Variants in MYO3B observed in about 807,000 individuals in gnomAD.
The protein encoded by MYO3B is myosin IIIB, also known as myosin-IIIb.
In MYO3B, 156 loss-of-function variants were observed where a neutral mutation model predicts 174.6. That is an observed-to-expected ratio of 0.89 (90% CI 0.78 to 1.02). The LOEUF is 1.02. Ranked by LOEUF, MYO3B falls within the 50% of genes least tolerant of loss-of-function variation. MYO3B has a pLI of 0.00. For missense variants in MYO3B, 1,632 were observed against 1,639.4 expected, an observed-to-expected ratio of 1.00 and a Z score of 0.08; for synonymous variants, 563 against 569.1, an observed-to-expected ratio of 0.99 and a Z score of 0.15.
In MYO3B at chr2:170,463,389, C is replaced by A. The variant is rs540480005; in HGVS notation, c.2752C>A (p.Arg918=). 4 of 1,613,872 alleles carry A rather than the reference C, an allele frequency of 2.5e-6. No homozygotes were observed. The highest frequency in any genetic ancestry group is 1.3e-5 in the African/African-American group (1 of 75,018). Residue 918 remains arginine, a synonymous_variant, in exon 24 of 35, where the codon CGG becomes AGG. Transcript: ENST00000408978. ...CCAGGTGGACACTCTGGAGGTGATA[C>A]GGCATCCGGAAGAAACCACCAACAT... The part of the protein sequence containing the change: ...KAKVDTLEVI[R]HPEETTNMKR...
At chr2:170,620,411 G>C (rs1695814511) in intron 32 of MYO3B, among the ~76,000 whole-genome samples, 1 of 152,168 alleles carries the variant, frequency 6.6e-6, no homozygotes, top group African/African-American at 2.4e-5. Flanking sequence ...ACTATATTAG[G>C]CAAGTCATCA....
In MYO3B at chr2:170,386,400, G is replaced by A. The variant is rs143700907; in HGVS notation, c.1374+128G>A. On this transcript the variant is annotated intron_variant, in intron 13 of 34. Coordinates refer to ENST00000408978, the MANE Select transcript of MYO3B (RefSeq NM_138995.5). ...CATAAAGACATTCCATCTTTGCTAC[G>A]TTTGCCTCCTGATAGCGAGGCCTCT... 1,269 of 693,604 alleles carry A rather than the reference G, an allele frequency of 1.8e-3. 12 individuals carry two copies. The African/African-American group carries it at 0.019, about 11-fold the overall frequency. 43.0% of individuals were successfully genotyped at this position (693,604 alleles called of 1,614,324 possible). A position where few individuals can be genotyped will look rare whatever the true frequency, so the allele number is the denominator to read the frequency against.
chr2:170,273,259 G>A (rs1422653759), intron 7 of MYO3B, among the ~76,000 whole-genome samples: 26 of 152,236 alleles, frequency 1.7e-4, no homozygotes, highest in Admixed American at 6.5e-5. Context: ...AATTAAAAGT[G>A]ATTTAGCCTG....
rs192515553 is a variant in MYO3B, at chr2:170,464,461, G to C, written c.2808+1016G>C. Reference sequence around the variant, plus strand: ...AGAAAGGGCTTGGCAGGGATGAGAGGTCAGGTGGATGGGAAGCTGGAAGAG... The same window carrying C: ...AGAAAGGGCTTGGCAGGGATGAGAGCTCAGGTGGATGGGAAGCTGGAAGAG... On this transcript the variant is annotated intron_variant, in intron 24 of 34. Transcript: ENST00000408978. Among the ~76,000 whole-genome samples the C allele has an allele frequency of 4.5e-3, 688 of 152,224 alleles. 28 individuals carry two copies. Among genetic ancestry groups the C allele is most frequent in the Admixed American group, 0.042 (642 of 15,288 alleles).
intron 1 of MYO3B, among the ~76,000 whole-genome samples, chr2:170,184,074 G>T (rs2092435381): frequency 6.6e-6 from 1 of 151,274 alleles, no homozygotes; most frequent in East Asian, 1.9e-4. Context: ...TAGTTTTTGT[G>T]GGTACATAAT....
intron 22 of MYO3B, among the ~76,000 whole-genome samples, chr2:170,414,749 A>G (rs967615652): frequency 7.2e-5 from 11 of 152,208 alleles, no homozygotes; most frequent in Admixed American, 1.3e-4. Flanking sequence ...TCTTTGATTT[A>G]TTTAATCAAT....
intron 3 of MYO3B, among the ~76,000 whole-genome samples, chr2:170,213,851 A>C (rs931585054): frequency 1.3e-5 from 2 of 152,228 alleles, no homozygotes; most frequent in African/African-American, 2.4e-5. Flanking sequence ...CTGCAATGGC[A>C]GTTCTAGGAA....
chr2:170,409,294 A>G (rs1165291432), intron 22 of MYO3B, among the ~76,000 whole-genome samples: 1 of 152,164 alleles, frequency 6.6e-6, no homozygotes, highest in Non-Finnish European at 1.5e-5. Flanking sequence ...TGATTCACCC[A>G]ACTGCGGGAG....
chr2:170,311,682 A>G (rs952034564), intron 7 of MYO3B, among the ~76,000 whole-genome samples: 4 of 152,016 alleles, frequency 2.6e-5, no homozygotes, highest in Admixed American at 2.6e-4. Flanking sequence ...TCCATTGCCA[A>G]GTCCAAGGTC....
intron 7 of MYO3B, among the ~76,000 whole-genome samples, chr2:170,252,083 A>G (rs537280798): frequency 2.8e-4 from 43 of 152,304 alleles, no homozygotes; most frequent in African/African-American, 9.1e-4. Flanking sequence ...CGTTCTTCCA[A>G]TGACTTCAAA....
intron 7 of MYO3B, among the ~76,000 whole-genome samples, chr2:170,237,394 T>C (rs2093082667): frequency 6.6e-6 from 1 of 152,184 alleles, no homozygotes; most frequent in African/African-American, 2.4e-5. Flanking sequence ...GTAGCTTCTC[T>C]TTAGCAAAAT....
chr2:170,210,166 A>G (rs1229312723), intron 3 of MYO3B, among the ~76,000 whole-genome samples: 1 of 152,232 alleles, frequency 6.6e-6, no homozygotes, highest in East Asian at 1.9e-4. Flanking sequence ...GTGCCTTAAG[A>G]GTACCTTGTT....
At chr2:170,601,432 C>T (rs1308451806) in intron 32 of MYO3B, among the ~76,000 whole-genome samples, 2 of 152,156 alleles carry the variant, frequency 1.3e-5, no homozygotes, top group East Asian at 1.9e-4. Flanking sequence ...ACCACCAGGA[C>T]AGGGCTATCT....
chr2:170,547,344 A>AG lies in MYO3B; in HGVS notation c.3733+3357dup, dbSNP rs1491465673. Among the ~76,000 whole-genome samples, 13 of 144,116 alleles carry AG rather than the reference A, an allele frequency of 9.0e-5. No individual in the cohort carries two copies. The South Asian group carries it at 2.2e-3, about 24-fold the overall frequency. The allele number at this position is 144,116 out of a possible 152,430, so 94.5% of individuals were successfully genotyped here. ...GACTCTGTCTCAAAAAAAAAAAAAA[A>AG]GAAGTGTCCCTAAACTGGCCCATGT... On this transcript the variant is annotated intron_variant, in intron 32 of 34. Transcript: ENST00000408978.
At chr2:170,580,664 A>G (rs1693075126) in intron 32 of MYO3B, among the ~76,000 whole-genome samples, 2 of 151,826 alleles carry the variant, frequency 1.3e-5, no homozygotes, top group Non-Finnish European at 2.9e-5. Context: ...AAAACAAAAT[A>G]TAAAAAACCA....
At chr2:170,519,871 G>T in intron 30 of MYO3B, 1 of 214,598 alleles carries the variant, frequency 4.7e-6, no homozygotes, top group Non-Finnish European at 9.3e-6. Context: ...TACTCAGGAG[G>T]CTGAGGCAGG....
rs914892244 is a variant in MYO3B at position 170,654,874 on chromosome 2, A to C, written c.*1753A>C. ...TTTTTCAATAGCTGAACTTCACCCA[A>C]AAGGTAATGTTTATAAGTAGAGCAG... On this transcript the variant is annotated 3_prime_UTR_variant, in exon 35 of 35. Transcript: ENST00000408978. The C allele has an allele frequency of 7.9e-5, 12 of 152,100 alleles. No individual in the cohort carries two copies. Among genetic ancestry groups the C allele is most frequent in the African/African-American group, 2.7e-4 (11 of 41,442 alleles). The allele number at this position is 152,100 out of a possible 1,614,324, so 9.4% of individuals were successfully genotyped here. A position where few individuals can be genotyped will look rare whatever the true frequency, so the allele number is the denominator to read the frequency against.
chr2:170,290,460 G>GATTTGTAGTCT (rs1271973584), intron 7 of MYO3B, among the ~76,000 whole-genome samples: 36 of 152,142 alleles, frequency 2.4e-4, no homozygotes, highest in Admixed American at 2.0e-3. Flanking sequence ...TACAACCTTA[G>GATTTGTAGTCT]ATTTGTAGTC....
intron 32 of MYO3B, 146 bp from the exon 33 acceptor site, chr2:170,651,482 A>G: frequency 1.6e-6 from 1 of 639,942 alleles, no homozygotes; most frequent in South Asian, 1.9e-5. Flanking sequence ...TTAGGATGGC[A>G]TTTCTCCTAA....
Sources: allele counts gnomAD v4.1 joint callset (sites outside exome capture counted in the v4.1 genomes callset), GRCh38; gene constraint gnomAD v4.1.1; transcripts MANE v1.5; gene names NCBI Gene and HGNC (gene_info 2026-07-23, HGNC 2026-07-21).